The following NLRP4 variants were observed in gnomAD, a reference collection of about 807,000 sequenced individuals.
NLRP4 encodes NACHT, LRR and PYD domains-containing protein 4.
Under a neutral mutation model 84.7 loss-of-function variants are expected in NLRP4, and 44 were observed. That is an observed-to-expected ratio of 0.52 (90% CI 0.41 to 0.67). NLRP4 has a LOEUF of 0.67. Among genes scored for constraint, NLRP4 ranks in the 30% least tolerant of loss-of-function variants. NLRP4 has a pLI of 0.00. For missense variants in NLRP4, 1,260 were observed against 1,219.4 expected, an observed-to-expected ratio of 1.03 and a Z score of -0.50; for synonymous variants, 544 against 476.4, an observed-to-expected ratio of 1.14 and a Z score of -1.85.
rs150404475 is a variant in NLRP4 at position 55,881,510 on chromosome 19, C to T, written c.2908C>T (p.Leu970=). The T allele has an allele frequency of 6.2e-7, 1 of 1,609,366 alleles. No individual in the cohort carries two copies. Among genetic ancestry groups the T allele is most frequent in the Non-Finnish European group, 8.5e-7 (1 of 1,175,718 alleles). The part of the protein sequence containing the change: ...TDFDEETQAL[L]TAEEERNPNL... The stretch of plus-strand genomic sequence containing the variant: ...TTTTGATGAGGAAACCCAGGCACTT[C>T]TGACGGCTGAGGAAGAGAGAAATCC... Residue 970 remains leucine, a synonymous_variant, in exon 10 of 10, where the codon CTG becomes TTG. Transcript: ENST00000301295.
In NLRP4 at chr19:55,850,113, A is replaced by AGCTGCGGTGTAATTTCCGTG. The variant is rs1189948965; in HGVS notation, c.-65-1884_-65-1865dup. Among the ~76,000 whole-genome samples, 21 of 52,304 alleles carry AGCTGCGGTGTAATTTCCGTG rather than the reference A, an allele frequency of 4.0e-4. 1 individual carries two copies. The highest frequency in any genetic ancestry group is 7.9e-4 in the Admixed American group (5 of 6,306). The allele number at this position is 52,304 out of a possible 152,430, so 34.3% of individuals were successfully genotyped here. A position where few individuals can be genotyped will look rare whatever the true frequency, so the allele number is the denominator to read the frequency against. On this transcript the variant is annotated intron_variant, in intron 1 of 9. Coordinates refer to ENST00000301295, the MANE Select transcript of NLRP4 (RefSeq NM_134444.5). ...TCCGTGGCTGCGGTGTAATTACCGT[A>AGCTGCGGTGTAATTTCCGTG]GCTGCGGTGTAATTTCCGTGGCTGC...
At chr19:55,854,004 C>G (rs1984311073) in intron 2 of NLRP4, among the ~76,000 whole-genome samples, 1 of 151,668 alleles carries the variant, frequency 6.6e-6, no homozygotes, top group East Asian at 2.0e-4. Flanking sequence ...GAGTCACGCT[C>G]TGTCGCCCAG....
At chr19:55,875,271 C>T (rs58193711) in intron 7 of NLRP4, among the ~76,000 whole-genome samples, 2,130 of 152,270 alleles carry the variant, frequency 0.014, 48 homozygotes, top group African/African-American at 0.049. Context: ...AACCTGTAAT[C>T]TTTGAAGAAA....
intron 3 of NLRP4, among the ~76,000 whole-genome samples, chr19:55,860,853 C>T (rs1439446284): frequency 6.6e-6 from 1 of 152,198 alleles, no homozygotes; most frequent in Admixed American, 6.5e-5. Flanking sequence ...TGGCACGCAC[C>T]TATTATCCCA....
chr19:55,858,569 C>T lies in NLRP4; in HGVS notation c.1176C>T (p.Thr392=), dbSNP rs1237544825. 6.2e-7 allele frequency: 1 copy of T among 1,614,036 alleles called. No homozygotes were observed. The highest frequency in any genetic ancestry group is 1.3e-5 in the African/African-American group (1 of 74,920). Residue 392 remains threonine (T), a synonymous_variant, in exon 3 of 10, where the codon ACC becomes ACT. Coordinates refer to ENST00000301295, the MANE Select transcript of NLRP4 (RefSeq NM_134444.5). The surrounding 1 kb of genome is among the most constrained non-coding windows in gnomAD (Gnocchi z 4.2). Reference sequence around the variant, plus strand: ...GTGCCGAGGGCCCGACTCCGCAAACCCAGCACCAGCTGAAGGCCCTGTGCT... The same window carrying T: ...GTGCCGAGGGCCCGACTCCGCAAACTCAGCACCAGCTGAAGGCCCTGTGCT... ...PEGAEGPTPQ[T]QHQLKALCSL... is the part of the protein sequence containing the mutation.
intron 8 of NLRP4, 34 bp downstream of exon 8, chr19:55,877,200 T>C: frequency 6.3e-7 from 1 of 1,595,520 alleles, no homozygotes; most frequent in East Asian, 2.2e-5. Flanking sequence ...TATGTTTTCA[T>C]GAGTGGCAAA....
intron 3 of NLRP4, 76 bp from the exon 4 acceptor site, chr19:55,861,310 C>A: frequency 8.1e-7 from 1 of 1,228,224 alleles, no homozygotes; most frequent in Non-Finnish European, 1.2e-6. Flanking sequence ...GAGAAGACAG[C>A]GTAGTGCGTA....
intron 2 of NLRP4, among the ~76,000 whole-genome samples, chr19:55,856,572 G>C (rs1159071866): frequency 2.9e-5 from 4 of 139,374 alleles, no homozygotes; most frequent in African/African-American, 1.1e-4. Flanking sequence ...TTAGAGTACA[G>C]CAGTGCCATC....
rs761876411 is a variant in NLRP4 at position 55,858,694 on chromosome 19, G to A, written c.1301G>A (p.Gly434Asp). Residue 434 changes from glycine (G) to aspartate (D), a missense_variant, in exon 3 of 10, where the codon GGC becomes GAC. Gly to Asp is a moderately conservative substitution (Grantham distance 94, BLOSUM62 -1). Coordinates refer to ENST00000301295, the MANE Select transcript of NLRP4 (RefSeq NM_134444.5). The surrounding 1 kb of genome is among the most constrained non-coding windows in gnomAD (Gnocchi z 4.2). ...VVDADIPALL[G>D]TKILLKYGER... is the part of the protein sequence containing the mutation. Reference sequence around the variant, plus strand: ...GACGCTGACATCCCTGCGCTGCTGGGCACCAAGATACTTCTGAAGTACGGG... The same window carrying A: ...GACGCTGACATCCCTGCGCTGCTGGACACCAAGATACTTCTGAAGTACGGG... The A allele has an allele frequency of 6.2e-7, 1 of 1,614,148 alleles. No individual in the cohort carries two copies.
intron 7 of NLRP4, among the ~76,000 whole-genome samples, chr19:55,872,342 A>C (rs1171099069): frequency 6.6e-6 from 1 of 152,256 alleles, no homozygotes; most frequent in Non-Finnish European, 1.5e-5. Context: ...TATTCCTAAA[A>C]GGATTTTTTA....
intron 2 of NLRP4, among the ~76,000 whole-genome samples, chr19:55,853,700 A>G (rs1984260112): frequency 1.3e-5 from 2 of 151,668 alleles, no homozygotes; most frequent in South Asian, 2.1e-4. Flanking sequence ...CTGAGCCACC[A>G]TACTGGCCTA....
At chr19:55,879,011 A>G in intron 9 of NLRP4, 47 bp downstream of exon 9, 1 of 1,474,732 alleles carries the variant, frequency 6.8e-7, no homozygotes, top group Non-Finnish European at 9.4e-7. Context: ...CTCCGGGCTA[A>G]GAAGGGATTG....
intron 3 of NLRP4, 92 bp from the exon 4 acceptor site, chr19:55,861,292 TTC>T: frequency 2.8e-6 from 3 of 1,058,054 alleles, no homozygotes; most frequent in Non-Finnish European, 4.2e-6. Flanking sequence ...CTCAGACATC[TTC>T]TGTTTGAGAA....
At chr19:55,876,785 T>C (rs1289615165) in intron 7 of NLRP4, among the ~76,000 whole-genome samples, 1 of 152,194 alleles carries the variant, frequency 6.6e-6, no homozygotes, top group Non-Finnish European at 1.5e-5. Context: ...CTATTGGTTT[T>C]TTCGTTTGTA....
intron 1 of NLRP4, among the ~76,000 whole-genome samples, chr19:55,847,940 C>A (rs1368002407): frequency 6.6e-6 from 1 of 152,150 alleles, no homozygotes; most frequent in East Asian, 1.9e-4. Context: ...TGGTCTCAAA[C>A]TCCTGACCTC....
intron 5 of NLRP4, among the ~76,000 whole-genome samples, chr19:55,863,915 A>G (rs999737793): frequency 2.0e-5 from 3 of 152,198 alleles, no homozygotes; most frequent in Non-Finnish European, 4.4e-5. Context: ...GTACCCACAC[A>G]TTCAAATACT....
intron 1 of NLRP4, among the ~76,000 whole-genome samples, chr19:55,837,750 A>G (rs1258952571): frequency 3.9e-5 from 6 of 152,132 alleles, no homozygotes; most frequent in Admixed American, 1.3e-4. Flanking sequence ...AAACGGCCAC[A>G]TGCGGCTGGG....
intron 1 of NLRP4, among the ~76,000 whole-genome samples, chr19:55,840,018 T>G (rs1472251962): frequency 6.6e-6 from 1 of 152,202 alleles, no homozygotes; most frequent in East Asian, 1.9e-4. Context: ...TGTCAAATTC[T>G]GACTTAAATT....
chr19:55,856,811 C>G (rs1320544398), intron 2 of NLRP4, among the ~76,000 whole-genome samples: 2 of 152,112 alleles, frequency 1.3e-5, no homozygotes, highest in Non-Finnish European at 2.9e-5. Flanking sequence ...ACTGCCCCGG[C>G]CTGTTGTTGG....
Sources: gnomAD v4.1 joint callset for allele counts (sites outside exome capture counted in the v4.1 genomes callset) on GRCh38, gnomAD v4.1.1 for gene constraint, Gnocchi (gnomAD v3.1) non-coding constraint, MANE v1.5 for transcripts, NCBI Gene and HGNC (gene_info 2026-07-23, HGNC 2026-07-21) for gene names.